FGD5: variants seen among roughly 807,000 people sequenced by gnomAD.
FGD5 encodes the protein FYVE, RhoGEF and PH domain-containing protein 5.
FGD5 carries 28 observed loss-of-function variants against 133.4 expected under a neutral mutation model. That is an observed-to-expected ratio of 0.21 (90% CI 0.16 to 0.29). FGD5 has a LOEUF of 0.29. FGD5 is among the 10% of genes least tolerant of loss of function. FGD5 has a pLI of 1.00. For missense variants in FGD5, 1,858 were observed against 1,895.2 expected (o/e 0.98, Z 0.36); for synonymous variants, 810 against 776.5 (o/e 1.04, Z -0.72).
In FGD5 at chr3:14,855,406, A is replaced by C. The variant is rs111362493; in HGVS notation, c.2526-8722A>C. Reference sequence around the variant, plus strand: ...GATTGCTGGATCACATGGTAGTTCTATTTGTAGTTCTTTGAGGAATCTCCA... The same window carrying C: ...GATTGCTGGATCACATGGTAGTTCTCTTTGTAGTTCTTTGAGGAATCTCCA... On this transcript the variant is annotated intron_variant, in intron 1 of 19. Transcript: ENST00000285046. Among the ~76,000 whole-genome samples, 532 of 152,244 alleles carry C rather than the reference A, an allele frequency of 3.5e-3. 6 individuals are homozygous for C. The highest frequency in any genetic ancestry group is 0.012 in the African/African-American group (499 of 41,548).
chr3:14,890,590 G>C (rs551982097), intron 4 of FGD5, among the ~76,000 whole-genome samples: 2 of 152,330 alleles, frequency 1.3e-5, no homozygotes, highest in South Asian at 2.1e-4. Flanking sequence ...GTGATGGATG[G>C]TGAGGCTGGC....
intron 1 of FGD5, among the ~76,000 whole-genome samples, chr3:14,857,679 G>T (rs2037310746): frequency 1.3e-5 from 2 of 152,148 alleles, no homozygotes; most frequent in South Asian, 4.2e-4. Context: ...ACCACCCTTA[G>T]TGTCCGCTAG....
chr3:14,846,300 C>G (rs2037050412), intron 1 of FGD5, among the ~76,000 whole-genome samples: 2 of 152,100 alleles, frequency 1.3e-5, no homozygotes, highest in South Asian at 4.1e-4. Flanking sequence ...GTGCCATCCT[C>G]AGGGGCTCTA....
At chr3:14,890,963 A>G (rs1159048177) in intron 4 of FGD5, among the ~76,000 whole-genome samples, 1 of 152,208 alleles carries the variant, frequency 6.6e-6, no homozygotes, top group Non-Finnish European at 1.5e-5. Context: ...AGACTCAGAC[A>G]GGTGACAGCT....
In FGD5 at chr3:14,933,588, A is replaced by C; in HGVS notation, c.*421A>C. The C allele has an allele frequency of 5.3e-6, 1 of 187,014 alleles. No individual in the cohort carries two copies. The highest frequency in any genetic ancestry group is 1.1e-5 in the Non-Finnish European group (1 of 88,008). The allele number at this position is 187,014 out of a possible 1,614,324, so 11.6% of individuals were successfully genotyped here. A position where few individuals can be genotyped will look rare whatever the true frequency, so the allele number is the denominator to read the frequency against. On this transcript the variant is annotated 3_prime_UTR_variant, in exon 20 of 20. Transcript: ENST00000285046. ...AAAATTGATTGTGGTGCCTCAGGTG[A>C]AATGAGAAGCTATCAGTAACAGCTA...
chr3:14,825,308 T>G (rs2036579672), intron 1 of FGD5, among the ~76,000 whole-genome samples: 1 of 152,182 alleles, frequency 6.6e-6, no homozygotes, highest in Non-Finnish European at 1.5e-5. Flanking sequence ...TTCTTTAGTT[T>G]AAAATGTATA....
intron 2 of FGD5, 93 bp from the exon 3 acceptor site, chr3:14,880,479 C>T: frequency 8.2e-7 from 1 of 1,221,620 alleles, no homozygotes; most frequent in Non-Finnish European, 1.2e-6. Flanking sequence ...AAATGGTCTG[C>T]AAAATGCTTG....
chr3:14,832,957 T>C (rs1197639502), intron 1 of FGD5, among the ~76,000 whole-genome samples: 1 of 152,242 alleles, frequency 6.6e-6, no homozygotes, highest in African/African-American at 2.4e-5. Flanking sequence ...ATTGCCTGGC[T>C]ATGCTCGGGA....
intron 1 of FGD5, 24 bp downstream of exon 1, chr3:14,821,620 C>G: frequency 7.2e-6 from 11 of 1,537,432 alleles, no homozygotes; most frequent in Non-Finnish European, 9.6e-6. Flanking sequence ...TATTTCCTTT[C>G]TTGTTCGGCA....
chr3:14,852,055 T>G, intron 1 of FGD5, among the ~76,000 whole-genome samples: 1 of 152,184 alleles, frequency 6.6e-6, no homozygotes, highest in Non-Finnish European at 1.5e-5. Flanking sequence ...CTCAAAACAT[T>G]AAATATAGAT....
intron 4 of FGD5, among the ~76,000 whole-genome samples, chr3:14,888,418 A>G (rs1257432284): frequency 1.3e-5 from 2 of 152,210 alleles, no homozygotes; most frequent in East Asian, 1.9e-4. Flanking sequence ...ACTGGCATAC[A>G]TGTAACCCAG....
intron 1 of FGD5, among the ~76,000 whole-genome samples, chr3:14,847,858 G>A (rs2037079363): frequency 6.6e-6 from 1 of 152,224 alleles, no homozygotes; most frequent in Non-Finnish European, 1.5e-5. Context: ...GACTTGCTGT[G>A]TAGCCCAGGA....
At chr3:14,926,025 C>T in intron 17 of FGD5, 45 bp from the exon 18 acceptor site, 1 of 1,607,592 alleles carries the variant, frequency 6.2e-7, no homozygotes. Flanking sequence ...TTGAACTGTG[C>T]CTGACCACCG....
intron 1 of FGD5, among the ~76,000 whole-genome samples, chr3:14,851,936 A>AG (rs398105624): frequency 6.6e-6 from 1 of 150,432 alleles, no homozygotes; most frequent in Non-Finnish European, 1.5e-5. Flanking sequence ...AAAAAAAAAA[A>AG]GGCAGACAAT....
At chr3:14,932,497 G>A (rs1013425910) in intron 18 of FGD5, 80 bp from the exon 19 acceptor site, 8 of 1,479,124 alleles carry the variant, frequency 5.4e-6, no homozygotes, top group East Asian at 2.4e-5. Context: ...CACTCTTCAC[G>A]CATCTCAGAT....
chr3:14,882,139 A>G (rs552135284), intron 4 of FGD5, among the ~76,000 whole-genome samples: 7 of 152,046 alleles, frequency 4.6e-5, no homozygotes, highest in Non-Finnish European at 1.0e-4. Flanking sequence ...ACCAGCCCCC[A>G]TTCAGCTTTT....
intron 2 of FGD5, among the ~76,000 whole-genome samples, chr3:14,867,945 T>TACC (rs1364622016): frequency 6.6e-6 from 1 of 151,912 alleles, no homozygotes; most frequent in African/African-American, 2.4e-5. Flanking sequence ...TGGTGAGGCC[T>TACC]ACCCTTCCTG....
At chr3:14,869,352 A>G (rs1038346121) in intron 2 of FGD5, among the ~76,000 whole-genome samples, 1 of 152,182 alleles carries the variant, frequency 6.6e-6, no homozygotes, top group Non-Finnish European at 1.5e-5. Flanking sequence ...TATGGTCGTG[A>G]GGAACAGAGC....
At chr3:14,865,600 G>A (rs11715968) in intron 2 of FGD5, among the ~76,000 whole-genome samples, 15,561 of 151,652 alleles carry the variant, frequency 0.1, 945 homozygotes, top group East Asian at 0.3. Context: ...ACTGAGCCAC[G>A]TATCTGGCAC....
Sources: allele counts gnomAD v4.1 joint callset (sites outside exome capture counted in the v4.1 genomes callset), GRCh38; gene constraint gnomAD v4.1.1; transcripts MANE v1.5; gene names NCBI Gene and HGNC (gene_info 2026-07-23, HGNC 2026-07-21).